Variants in NALF1 observed in about 807,000 individuals in gnomAD.
NALF1 encodes family with sequence similarity 155 member A.
Under a neutral mutation model 48.4 loss-of-function variants are expected in NALF1, and 3 were observed. The observed-to-expected ratio is 0.06, with a 90% CI of 0.03 to 0.16. The LOEUF (loss-of-function observed/expected upper bound fraction) is 0.16. Ranked by LOEUF, NALF1 falls within the 10% of genes least tolerant of loss-of-function variation. The probability of loss-of-function intolerance (pLI) is 1.00; values close to 1 mark genes in which losing one functional copy is unlikely to be tolerated. For synonymous variants in NALF1, 262 were observed against 245.7 expected (o/e 1.07, Z -0.62); for missense variants, 526 against 571.5 (o/e 0.92, Z 0.81).
At chr13:107,668,335 C>G (rs1007753212) in intron 1 of NALF1, among the ~76,000 whole-genome samples, 2 of 151,884 alleles carry the variant, frequency 1.3e-5, no homozygotes, top group Non-Finnish European at 2.9e-5. Flanking sequence ...TCTTTCCTTC[C>G]GTATCTTGAT....
intron 2 of NALF1, among the ~76,000 whole-genome samples, chr13:107,190,813 T>C (rs1183883686): frequency 6.6e-6 from 1 of 152,180 alleles, no homozygotes; most frequent in Non-Finnish European, 1.5e-5. Context: ...GAAAATAAAG[T>C]ACTATAGCAA....
chr13:107,490,383 TA>T (rs1262459709), intron 1 of NALF1, among the ~76,000 whole-genome samples: 1 of 152,110 alleles, frequency 6.6e-6, no homozygotes, highest in Non-Finnish European at 1.5e-5. Flanking sequence ...TATGCAGTCA[TA>T]AAAAAGAACA....
Position 107,333,044 on chromosome 13 carries a change from C to T in NALF1, c.916-122289G>A, listed in dbSNP as rs150977498. ...TATTTTTAGTAGAGACGGGGTTTCACCATGTTGGCCAGGCTGGTCTCGAAC... is the reference window on the plus strand; with the variant it reads ...TATTTTTAGTAGAGACGGGGTTTCATCATGTTGGCCAGGCTGGTCTCGAAC... On this transcript the variant is annotated intron_variant, in intron 1 of 2. Coordinates refer to ENST00000375915, the MANE Select transcript of NALF1 (RefSeq NM_001080396.3). Among the ~76,000 whole-genome samples, 1,330 of 152,144 alleles carry T rather than the reference C, an allele frequency of 8.7e-3. 23 individuals are homozygous for T. The highest frequency in any genetic ancestry group is 0.031 in the African/African-American group (1,278 of 41,506).
intron 1 of NALF1, among the ~76,000 whole-genome samples, chr13:107,301,950 C>T (rs1458399770): frequency 1.3e-5 from 2 of 152,128 alleles, no homozygotes; most frequent in Non-Finnish European, 2.9e-5. Context: ...GAATGTTTGT[C>T]CCTTTCAAAA....
At chr13:107,249,859 C>A (rs1168031896) in intron 1 of NALF1, among the ~76,000 whole-genome samples, 1 of 152,124 alleles carries the variant, frequency 6.6e-6, no homozygotes, top group Admixed American at 6.5e-5. Flanking sequence ...CAATTAATCA[C>A]TTTGTAAAAA....
At chr13:107,636,343 A>G (rs935029537) in intron 1 of NALF1, among the ~76,000 whole-genome samples, 1 of 152,178 alleles carries the variant, frequency 6.6e-6, no homozygotes, top group Non-Finnish European at 1.5e-5. Context: ...AAGCTTTAAA[A>G]CAAACACAAA....
At chr13:107,245,716 A>G (rs1482258670) in intron 1 of NALF1, among the ~76,000 whole-genome samples, 1 of 152,226 alleles carries the variant, frequency 6.6e-6, no homozygotes, top group Non-Finnish European at 1.5e-5. Flanking sequence ...GTTTTTTCCA[A>G]AATAACTTTC....
rs4474564 is a variant in NALF1 at position 107,647,092 on chromosome 13, G to A, written c.915+218590C>T. Among the ~76,000 whole-genome samples, 2,894 of 151,996 alleles carry A rather than the reference G, an allele frequency of 0.019. 163 individuals carry two copies. The East Asian group carries it at 0.2, about 11-fold the overall frequency. On this transcript the variant is annotated intron_variant, in intron 1 of 2. Coordinates refer to ENST00000375915, the MANE Select transcript of NALF1 (RefSeq NM_001080396.3). Reference sequence around the variant, plus strand: ...AGTTTGGAAATATCCTAAAGAGACTGGTTAAATACATGATATTATATGTAA... The same window carrying A: ...AGTTTGGAAATATCCTAAAGAGACTAGTTAAATACATGATATTATATGTAA...
intron 1 of NALF1, among the ~76,000 whole-genome samples, chr13:107,792,497 A>G (rs1878279197): frequency 6.6e-6 from 1 of 152,160 alleles, no homozygotes; most frequent in Non-Finnish European, 1.5e-5. Flanking sequence ...ATCTGAGCCT[A>G]GTAAGATCTG....
chr13:107,332,102 C>T (rs115735789), intron 1 of NALF1, among the ~76,000 whole-genome samples: 5 of 152,142 alleles, frequency 3.3e-5, no homozygotes, highest in Admixed American at 6.6e-5. Flanking sequence ...GATATTAGGT[C>T]TTTGCAAACA....
intron 1 of NALF1, among the ~76,000 whole-genome samples, chr13:107,464,644 C>T (rs1884971417): frequency 1.3e-5 from 2 of 152,072 alleles, no homozygotes; most frequent in Non-Finnish European, 2.9e-5. Flanking sequence ...CCTCAGCCTC[C>T]CAAGTAGCTG....
At chr13:107,751,069 C>T (rs1876925418) in intron 1 of NALF1, among the ~76,000 whole-genome samples, 2 of 152,308 alleles carry the variant, frequency 1.3e-5, no homozygotes, top group South Asian at 4.2e-4. Flanking sequence ...TGCTATTAAG[C>T]ATATTAAAGC....
intron 1 of NALF1, among the ~76,000 whole-genome samples, chr13:107,493,002 T>G (rs1455047693): frequency 6.6e-6 from 1 of 152,214 alleles, no homozygotes; most frequent in Non-Finnish European, 1.5e-5. Flanking sequence ...GCTAGAATTT[T>G]GTGCAACAGT....
chr13:107,557,226 A>G (rs1877507389), intron 1 of NALF1, among the ~76,000 whole-genome samples: 1 of 152,144 alleles, frequency 6.6e-6, no homozygotes, highest in Admixed American at 6.5e-5. Context: ...CTTACTATGC[A>G]TTGTAACCCT....
chr13:107,749,076 G>A (rs1049785085), intron 1 of NALF1, among the ~76,000 whole-genome samples: 3 of 151,532 alleles, frequency 2.0e-5, no homozygotes, highest in Non-Finnish European at 4.4e-5. Context: ...TTGGGAAATG[G>A]GTGATGAGCT....
At chr13:107,800,063 A>T (rs920939906) in intron 1 of NALF1, among the ~76,000 whole-genome samples, 1 of 152,180 alleles carries the variant, frequency 6.6e-6, no homozygotes, top group African/African-American at 2.4e-5. Flanking sequence ...AACTATGCCT[A>T]ATTCTTCTTT....
chr13:107,588,630 TA>T (rs1878522242), intron 1 of NALF1, among the ~76,000 whole-genome samples: 1 of 152,120 alleles, frequency 6.6e-6, no homozygotes, highest in African/African-American at 2.4e-5. Flanking sequence ...ATGGAGTAAG[TA>T]AACTTTACTT....
chr13:107,206,899 C>T (rs1413820415), intron 2 of NALF1, among the ~76,000 whole-genome samples: 2 of 152,132 alleles, frequency 1.3e-5, no homozygotes, highest in African/African-American at 2.4e-5. Context: ...GGGAATTCTC[C>T]GTCCTTCTGG....
At chr13:107,658,293 T>C (rs1446961692) in intron 1 of NALF1, among the ~76,000 whole-genome samples, 1 of 152,162 alleles carries the variant, frequency 6.6e-6, no homozygotes, top group Admixed American at 6.6e-5. Context: ...CTCCTCTCTC[T>C]TGCAACATTC....
Sources: allele counts gnomAD v4.1 joint callset (sites outside exome capture counted in the v4.1 genomes callset), GRCh38; gene constraint gnomAD v4.1.1; transcripts MANE v1.5; gene names NCBI Gene and HGNC (gene_info 2026-07-23, HGNC 2026-07-21).